Variants in SHANK2 observed in about 807,000 individuals in gnomAD.
SHANK2 encodes SH3 and multiple ankyrin repeat domains protein 2.
In SHANK2, 43 loss-of-function variants were observed where a neutral mutation model predicts 133.7. The observed-to-expected ratio is 0.32, with a 90% CI of 0.25 to 0.41. SHANK2 has a LOEUF of 0.41. SHANK2 is among the 10% of genes least tolerant of loss of function. SHANK2 has a pLI of 1.00. For missense variants in SHANK2, 1,994 were observed against 2,235.8 expected (o/e 0.89, Z 2.18); for synonymous variants, 1,017 against 952.8 (o/e 1.07, Z -1.24).
intron 11 of SHANK2, chr11:70,895,513 C>T (rs903977000): frequency 5.9e-5 from 9 of 152,438 alleles, no homozygotes; most frequent in Non-Finnish European, 1.2e-4. Flanking sequence ...GATGGCAGGG[C>T]GATGGGAGAG....
chr11:70,912,168 G>A (rs1950203521), intron 10 of SHANK2, among the ~76,000 whole-genome samples: 1 of 151,176 alleles, frequency 6.6e-6, no homozygotes. Context: ...TTATGAAGGT[G>A]GTGGTGGTGA....
rs35737323 is a variant in SHANK2 at position 70,690,488 on chromosome 11, G to GTTTTTTTTTTTTTTTTTTTTTT, written c.1853+8178_1853+8199dup. The stretch of plus-strand genomic sequence containing the variant: ...ATCATCATAATGTAATACTTCCCAT[G>GTTTTTTTTTTTTTTTTTTTTTT]TTTTTTTTTTTTTTTTTTTTTTTTT... On this transcript the variant is annotated intron_variant, in intron 15 of 25. Transcript: ENST00000601538. 1.8e-4 allele frequency among the ~76,000 whole-genome samples: 6 copies of GTTTTTTTTTTTTTTTTTTTTTT among 32,816 alleles called. 2 individuals are homozygous for GTTTTTTTTTTTTTTTTTTTTTT. The highest frequency in any genetic ancestry group is 3.1e-4 in the Non-Finnish European group (6 of 19,650). 21.5% of individuals were successfully genotyped at this position (32,816 alleles called of 152,430 possible).
At chr11:70,658,124 C>A (rs1476063250) in intron 17 of SHANK2, among the ~76,000 whole-genome samples, 1 of 151,086 alleles carries the variant, frequency 6.6e-6, no homozygotes, top group Non-Finnish European at 1.5e-5. Context: ...AACACCCCCC[C>A]CACCCTGCCT....
intron 14 of SHANK2, among the ~76,000 whole-genome samples, chr11:70,716,066 GC>G (rs1282964447): frequency 6.6e-6 from 1 of 151,994 alleles, no homozygotes; most frequent in Non-Finnish European, 1.5e-5. Context: ...TTAGGGCTCT[GC>G]CCCCCATGCC....
intron 15 of SHANK2, among the ~76,000 whole-genome samples, chr11:70,691,978 A>C (rs1945298986): frequency 6.6e-6 from 1 of 152,190 alleles, no homozygotes; most frequent in African/African-American, 2.4e-5. Flanking sequence ...CCCTGCCCCA[A>C]ACTATGCCTC....
chr11:70,529,987 C>T lies in SHANK2; in HGVS notation c.2062-27056G>A, dbSNP rs1041495947. Among the ~76,000 whole-genome samples, 10 of 152,188 alleles carry T rather than the reference C, an allele frequency of 6.6e-5. No individual in the cohort carries two copies. The South Asian group carries it at 1.9e-3, about 28-fold the overall frequency. On this transcript the variant is annotated intron_variant, in intron 17 of 25. Coordinates refer to ENST00000601538, the MANE Select transcript of SHANK2 (RefSeq NM_012309.5). ...GTGGGGATGTAGGATGGTGCGGCTG[C>T]TATGAAGACAGTATGGCATTCCTCA... is the stretch of plus-strand genomic sequence containing the variant.
intron 2 of SHANK2, among the ~76,000 whole-genome samples, chr11:71,194,767 C>T (rs1486992214): frequency 6.6e-6 from 1 of 152,174 alleles, no homozygotes; most frequent in Non-Finnish European, 1.5e-5. Context: ...TTCAGGCTTC[C>T]ATAACTTGAG....
chr11:70,732,336 T>C (rs1946308260), intron 14 of SHANK2, among the ~76,000 whole-genome samples: 1 of 152,214 alleles, frequency 6.6e-6, no homozygotes, highest in Non-Finnish European at 1.5e-5. Context: ...TCACAATCTC[T>C]GCTCTGGCCT....
chr11:70,593,924 T>C (rs1554988724), intron 17 of SHANK2, among the ~76,000 whole-genome samples: 1 of 152,144 alleles, frequency 6.6e-6, no homozygotes, highest in African/African-American at 2.4e-5. Context: ...CTGATGCACA[T>C]GTGGGACCTG....
intron 2 of SHANK2, among the ~76,000 whole-genome samples, chr11:71,218,360 G>A (rs1426047349): frequency 6.8e-6 from 1 of 147,042 alleles, no homozygotes; most frequent in Non-Finnish European, 1.5e-5. Flanking sequence ...CGCCTCCCAG[G>A]TTCAAGCGAT....
At chr11:70,481,171 G>C (rs1170875515) in intron 25 of SHANK2, among the ~76,000 whole-genome samples, 2 of 152,328 alleles carry the variant, frequency 1.3e-5, no homozygotes, top group East Asian at 3.9e-4. Context: ...GGTGTTTTCA[G>C]ATCACCCTGG....
intron 12 of SHANK2, among the ~76,000 whole-genome samples, chr11:70,817,684 C>A (rs996213812): frequency 6.6e-6 from 1 of 152,162 alleles, no homozygotes; most frequent in South Asian, 2.1e-4. Flanking sequence ...CTGTGGGAGG[C>A]GGCCACCCTG....
chr11:71,113,385 G>A (rs782061903), intron 4 of SHANK2, 21 bp from the exon 5 acceptor site: 1 of 1,550,184 alleles, frequency 6.5e-7, no homozygotes, highest in Non-Finnish European at 8.7e-7. Context: ...AAACAAAAAA[G>A]AGAGAGAAAA....
At chr11:70,922,103 C>A (rs977387235) in intron 10 of SHANK2, among the ~76,000 whole-genome samples, 1 of 152,136 alleles carries the variant, frequency 6.6e-6, no homozygotes, top group African/African-American at 2.4e-5. Flanking sequence ...GGGAATCAAT[C>A]GTAAACTCTA....
chr11:71,194,132 C>T (rs530994642), intron 2 of SHANK2, among the ~76,000 whole-genome samples: 1 of 152,142 alleles, frequency 6.6e-6, no homozygotes, highest in Non-Finnish European at 1.5e-5. Context: ...AACACATCAC[C>T]ACCCACTCCA....
intron 13 of SHANK2, 25 bp downstream of exon 13, chr11:70,806,977 C>A: frequency 1.4e-6 from 1 of 713,876 alleles, no homozygotes; most frequent in South Asian, 1.5e-5. Flanking sequence ...ACTCCAGGAG[C>A]GGAGGACAAC....
rs1043641507 is a variant in SHANK2, at chr11:71,111,458, C to A, written c.484-1409G>T. Among the ~76,000 whole-genome samples the A allele has an allele frequency of 2.0e-5, 3 of 152,326 alleles. No homozygotes were observed. In the South Asian group the frequency reaches 6.2e-4, roughly 32 times the overall value. ...GAACTTTCCCAGCCTCTGCCAGCCT[C>A]GCTGTAAGAAAAGTCATGATTCTCT... On this transcript the variant is annotated intron_variant, in intron 5 of 25. Transcript: ENST00000601538.
chr11:70,800,120 T>C (rs1948011710), intron 13 of SHANK2, among the ~76,000 whole-genome samples: 1 of 152,166 alleles, frequency 6.6e-6, no homozygotes, highest in Non-Finnish European at 1.5e-5. Context: ...ACTCCCAGGC[T>C]TAAGTGATCC....
At chr11:70,610,989 C>CCAG (rs1328092396) in intron 17 of SHANK2, among the ~76,000 whole-genome samples, 2 of 152,228 alleles carry the variant, frequency 1.3e-5, no homozygotes, top group East Asian at 3.8e-4. Context: ...TCTTTAAAAA[C>CCAG]CAGCAAATGA....
Sources: allele counts gnomAD v4.1 joint callset (sites outside exome capture counted in the v4.1 genomes callset), GRCh38; gene constraint gnomAD v4.1.1; transcripts MANE v1.5; gene names NCBI Gene and HGNC (gene_info 2026-07-23, HGNC 2026-07-21).